STAT5B: variants seen among roughly 807,000 people sequenced by gnomAD.
STAT5B encodes the protein transcription factor STAT5B.
STAT5B carries 21 observed loss-of-function variants against 107.8 expected under a neutral mutation model. The ratio of observed to expected loss-of-function variants is 0.19; its 90% CI spans 0.14 to 0.28. The LOEUF is 0.28. Among genes scored for constraint, STAT5B ranks in the 10% least tolerant of loss-of-function variants. STAT5B has a pLI of 1.00. For missense variants in STAT5B, 565 were observed against 1,008.2 expected (o/e 0.56, Z 5.95); for synonymous variants, 325 against 401.7 (o/e 0.81, Z 2.28).
rs1293438241 is a variant in STAT5B at position 42,216,118 on chromosome 17, C to T, written c.1381-12G>A. 5 of 1,610,184 alleles carry T rather than the reference C, an allele frequency of 3.1e-6. No homozygotes were observed. In the South Asian group the frequency reaches 4.4e-5, roughly 14 times the overall value. On this transcript the variant is annotated splice_polypyrimidine_tract_variant and intron_variant, in intron 11 of 18. Coordinates refer to ENST00000293328, the MANE Select transcript of STAT5B (RefSeq NM_012448.4). ...GGCAGGGACAGGGTCTAAAAAGACA[C>T]AAGAGAAGGCTGAGCGCCCACGAGC...
At chr17:42,236,118 G>A (rs374988026) in intron 1 of STAT5B, among the ~76,000 whole-genome samples, 26 of 152,220 alleles carry the variant, frequency 1.7e-4, no homozygotes, top group African/African-American at 6.0e-4. Flanking sequence ...TTCTAAAATA[G>A]CATCCCATTT....
intron 1 of STAT5B, among the ~76,000 whole-genome samples, chr17:42,250,223 A>G (rs750441067): frequency 1.3e-5 from 2 of 152,184 alleles, no homozygotes; most frequent in Admixed American, 1.3e-4. Context: ...TGTGGTGGCA[A>G]CAGAGACACC....
At chr17:42,206,260 T>C (rs1264569658) in intron 16 of STAT5B, among the ~76,000 whole-genome samples, 3 of 152,118 alleles carry the variant, frequency 2.0e-5, no homozygotes, top group East Asian at 1.9e-4. Context: ...TGACTACTTT[T>C]TGTATTTTTA....
intron 5 of STAT5B, among the ~76,000 whole-genome samples, chr17:42,222,492 A>G (rs1279455599): frequency 3.9e-5 from 6 of 152,128 alleles, no homozygotes; most frequent in Non-Finnish European, 8.8e-5. Flanking sequence ...TGCATAGAAC[A>G]TTAGAAATCA....
In STAT5B at chr17:42,211,901, T is replaced by A. The variant is rs1413765521; in HGVS notation, c.1680+83A>T. On this transcript the variant is annotated intron_variant, in intron 13 of 18. Transcript: ENST00000293328. ...TACATTTTATTAGAGACATGAAGAA[T>A]AAGGGCCCAGGGCAGGGAGACTCCT... 1.9e-6 allele frequency: 3 copies of A among 1,544,018 alleles called. No homozygotes were observed. The Admixed American group carries it at 5.9e-5, about 30-fold the overall frequency.
rs149034065 is a variant in STAT5B, at chr17:42,200,096, T to C, written c.*1642A>G. On this transcript the variant is annotated 3_prime_UTR_variant, in exon 19 of 19. Transcript: ENST00000293328. ...CTACTGCCTGGCATAGAAAAATAAATCAGTGTATGAAACCAAGCCAAGGCA... is the reference window on the plus strand; with the variant it reads ...CTACTGCCTGGCATAGAAAAATAAACCAGTGTATGAAACCAAGCCAAGGCA... 4.1e-4 allele frequency: 63 copies of C among 152,770 alleles called. No individual in the cohort carries two copies. Among genetic ancestry groups the C allele is most frequent in the African/African-American group, 1.4e-3 (60 of 41,536 alleles). The allele number at this position is 152,770 out of a possible 1,614,324, so 9.5% of individuals were successfully genotyped here. A position where few individuals can be genotyped will look rare whatever the true frequency, so the allele number is the denominator to read the frequency against.
intron 1 of STAT5B, among the ~76,000 whole-genome samples, chr17:42,235,955 T>C (rs146678899): frequency 2.0e-5 from 3 of 152,328 alleles, no homozygotes; most frequent in East Asian, 1.9e-4. Context: ...TGTGGTGATA[T>C]ACTATGCATG....
intron 13 of STAT5B, among the ~76,000 whole-genome samples, chr17:42,211,470 C>T (rs930763384): frequency 6.6e-6 from 1 of 151,734 alleles, no homozygotes; most frequent in South Asian, 2.1e-4. Flanking sequence ...CGTGCCATTG[C>T]AGTCCAGCCT....
chr17:42,264,610 T>C (rs1364138619), intron 1 of STAT5B, among the ~76,000 whole-genome samples: 1 of 152,176 alleles, frequency 6.6e-6, no homozygotes, highest in African/African-American at 2.4e-5. Context: ...TCTATCGTTG[T>C]TGGACATCTG....
In STAT5B at chr17:42,247,961, A is replaced by G. The variant is rs536801554; in HGVS notation, c.-10-15824T>C. ...AGCCAGACTCATTCTCTAAAAAAAA[A>G]AAAAATGTATGAGAAAAAGAAGAAG... is the stretch of plus-strand genomic sequence containing the variant. On this transcript the variant is annotated intron_variant, in intron 1 of 18. Coordinates refer to ENST00000293328, the MANE Select transcript of STAT5B (RefSeq NM_012448.4). Among the ~76,000 whole-genome samples, 15 of 152,092 alleles carry G rather than the reference A, an allele frequency of 9.9e-5. No homozygotes were observed. In the East Asian group the frequency reaches 2.7e-3, roughly 27 times the overall value.
chr17:42,205,462 C>T (rs1182918921), intron 16 of STAT5B, among the ~76,000 whole-genome samples: 1 of 152,244 alleles, frequency 6.6e-6, no homozygotes, highest in Non-Finnish European at 1.5e-5. Context: ...CTTATCTTCC[C>T]TGCTCAAGAG....
chr17:42,263,153 T>C (rs1179312826), intron 1 of STAT5B, among the ~76,000 whole-genome samples: 1 of 149,412 alleles, frequency 6.7e-6, no homozygotes, highest in Non-Finnish European at 1.5e-5. Flanking sequence ...CTTTCACCTC[T>C]GTCTCCCTAA....
At chr17:42,255,283 A>G (rs751894363) in intron 1 of STAT5B, among the ~76,000 whole-genome samples, 3 of 152,220 alleles carry the variant, frequency 2.0e-5, no homozygotes, top group Admixed American at 6.5e-5. Context: ...GAGAAAGACT[A>G]ATCTTTGCTA....
chr17:42,240,448 T>C (rs1308577480), intron 1 of STAT5B, among the ~76,000 whole-genome samples: 2 of 152,100 alleles, frequency 1.3e-5, no homozygotes, highest in Non-Finnish European at 2.9e-5. Context: ...GGCAAATCCA[T>C]AGAGACGGAA....
chr17:42,217,545 C>T, intron 9 of STAT5B, 81 bp from the exon 10 acceptor site: 1 of 1,526,080 alleles, frequency 6.6e-7, no homozygotes, highest in Non-Finnish European at 9.0e-7. Flanking sequence ...TTTGGGGTAG[C>T]AGGAAATAGA....
intron 8 of STAT5B, 100 bp from the exon 9 acceptor site, chr17:42,218,430 T>C: frequency 6.5e-7 from 1 of 1,534,234 alleles, no homozygotes; most frequent in Non-Finnish European, 8.8e-7. Flanking sequence ...CCCGAGGGGC[T>C]CAGGAGGTGA....
intron 1 of STAT5B, among the ~76,000 whole-genome samples, chr17:42,266,871 A>G (rs1014809705): frequency 7.2e-5 from 11 of 152,198 alleles, no homozygotes; most frequent in African/African-American, 2.7e-4. Context: ...CTCTTCATAC[A>G]TTACAATGAA....
upstream of STAT5B, among the ~76,000 whole-genome samples, chr17:42,280,410 C>T (rs946581527): frequency 3.9e-5 from 6 of 152,138 alleles, no homozygotes; most frequent in African/African-American, 1.2e-4. Flanking sequence ...ACTCCTGCCC[C>T]AGAGATCATG....
chr17:42,214,252 T>G, intron 12 of STAT5B: 2 of 985,260 alleles, frequency 2.0e-6, no homozygotes, highest in Non-Finnish European at 2.4e-6. Context: ...AATTACATGG[T>G]GCAGGAGATG....
Sources: gnomAD v4.1 joint callset for allele counts (sites outside exome capture counted in the v4.1 genomes callset) on GRCh38, gnomAD v4.1.1 for gene constraint, MANE v1.5 for transcripts, NCBI Gene and HGNC (gene_info 2026-07-23, HGNC 2026-07-21) for gene names.